Variants in PPHLN1 observed in about 807,000 individuals in gnomAD.
PPHLN1 encodes periphilin-1.
A neutral mutation model predicts 51.3 loss-of-function variants in PPHLN1; 29 were observed. That is an observed-to-expected ratio of 0.57 (90% CI 0.42 to 0.77). PPHLN1 has a LOEUF of 0.77. Ranked by LOEUF, PPHLN1 falls within the 30% of genes least tolerant of loss-of-function variation. The probability of loss-of-function intolerance (pLI) is 0.00; values close to 1 mark genes in which losing one functional copy is unlikely to be tolerated. For synonymous variants in PPHLN1, 147 were observed against 147.8 expected, an observed-to-expected ratio of 0.99 and a Z score of 0.04; for missense variants, 436 against 438.4, an observed-to-expected ratio of 0.99 and a Z score of 0.05.
At position 42,399,002 on chromosome 12, in the gene PPHLN1, T is replaced by A. The variant is rs762509322; in HGVS notation, c.909+8T>A. 2 of 1,611,550 alleles carry A rather than the reference T, an allele frequency of 1.2e-6. No homozygotes were observed. Among genetic ancestry groups the A allele is most frequent in the African/African-American group, 1.3e-5 (1 of 74,828 alleles). ...ACCAAAGAGATTGAACAGGTGAGAG[T>A]CTAGTTGTCTTCATGTACATAATTT... is the stretch of plus-strand genomic sequence containing the variant. On this transcript the variant is annotated splice_region_variant and intron_variant, in intron 9 of 9. Coordinates refer to ENST00000358314, the MANE Select transcript of PPHLN1 (RefSeq NM_201439.2).
At chr12:42,352,777 G>A (rs17121217) in intron 3 of PPHLN1, among the ~76,000 whole-genome samples, 10,552 of 152,054 alleles carry the variant, frequency 0.069, 400 homozygotes, top group Admixed American at 0.093. Context: ...TCAAAACATC[G>A]TCATAGGAAG....
At chr12:42,343,976 A>G in intron 2 of PPHLN1, 1 of 365,698 alleles carries the variant, frequency 2.7e-6, no homozygotes, top group Non-Finnish European at 5.2e-6. Context: ...GAGTTAGGAA[A>G]TTACAAGCTT....
chr12:42,415,680 G>T (rs2080314474), intron 9 of PPHLN1, among the ~76,000 whole-genome samples: 1 of 152,120 alleles, frequency 6.6e-6, no homozygotes, highest in Admixed American at 6.5e-5. Context: ...CTGATTTTTT[G>T]CTTTCTCTTC....
At chr12:42,330,730 GATGGAGT>G (rs2069589011) in intron 1 of PPHLN1, among the ~76,000 whole-genome samples, 1 of 152,158 alleles carries the variant, frequency 6.6e-6, no homozygotes, top group African/African-American at 2.4e-5. Context: ...TTGTTTTTGA[GATGGAGT>G]CTCGCTCTGT....
At chr12:42,364,552 AGG>A (rs1337106703) in intron 4 of PPHLN1, among the ~76,000 whole-genome samples, 1 of 151,994 alleles carries the variant, frequency 6.6e-6, no homozygotes, top group Non-Finnish European at 1.5e-5. Flanking sequence ...TGAGCCTGGG[AGG>A]TTGAGGCTGC....
At chr12:42,426,990 T>C (rs2081557950) in intron 9 of PPHLN1, among the ~76,000 whole-genome samples, 1 of 152,070 alleles carries the variant, frequency 6.6e-6, no homozygotes, top group Admixed American at 6.6e-5. Context: ...TGTTGGAGAG[T>C]AACTGGGTGG....
intron 4 of PPHLN1, among the ~76,000 whole-genome samples, chr12:42,370,216 T>C (rs1189935956): frequency 6.6e-6 from 1 of 152,212 alleles, no homozygotes; most frequent in Non-Finnish European, 1.5e-5. Context: ...CCCTTAGAGA[T>C]TCTGATTCAG....
rs149458775 is a variant in PPHLN1 at position 42,353,121 on chromosome 12, A to G, written c.237+1072A>G. On this transcript the variant is annotated intron_variant, in intron 3 of 9. Coordinates refer to ENST00000358314, the MANE Select transcript of PPHLN1 (RefSeq NM_201439.2). ...AAAAAAGTTAGCTGCTATTATTACTATTACAACTCGCTTCTCTTGAGCATT... is the reference window on the plus strand; with the variant it reads ...AAAAAAGTTAGCTGCTATTATTACTGTTACAACTCGCTTCTCTTGAGCATT... Among the ~76,000 whole-genome samples the G allele has an allele frequency of 9.2e-3, 1,404 of 152,148 alleles. 14 individuals carry two copies. Among genetic ancestry groups the G allele is most frequent in the Non-Finnish European group, 0.012 (799 of 68,010 alleles).
At chr12:42,342,406 C>A (rs1288474520) in intron 2 of PPHLN1, among the ~76,000 whole-genome samples, 1 of 152,214 alleles carries the variant, frequency 6.6e-6, no homozygotes, top group African/African-American at 2.4e-5. Flanking sequence ...AGGCATGAGG[C>A]ACCATGCCCA....
At chr12:42,377,930 T>G (rs1005974984) in intron 5 of PPHLN1, among the ~76,000 whole-genome samples, 8 of 152,172 alleles carry the variant, frequency 5.3e-5, no homozygotes, top group African/African-American at 1.9e-4. Flanking sequence ...TGCTCCTGTC[T>G]TAGGATCTCC....
intron 2 of PPHLN1, among the ~76,000 whole-genome samples, chr12:42,342,860 G>T (rs2071699918): frequency 6.6e-6 from 1 of 152,164 alleles, no homozygotes; most frequent in Non-Finnish European, 1.5e-5. Context: ...ATTAGTTTTT[G>T]TAATTAAGTA....
Position 42,393,575 on chromosome 12 carries a change from A to G in PPHLN1, c.654A>G (p.Leu218=). The G allele has an allele frequency of 6.2e-7, 1 of 1,604,254 alleles. No homozygotes were observed. The highest frequency in any genetic ancestry group is 8.5e-7 in the Non-Finnish European group (1 of 1,177,160). ...AAATGTTCTATTTTTATTAGGTGTT[A>G]GACAAACCCAGTAGGCTAACTGAAA... ...SGSAVSSSKV[L]DKPSRLTEKE... Residue 218 remains leucine (L), a synonymous_variant, in exon 8 of 10, where the codon TTA becomes TTG. Transcript: ENST00000358314.
intron 6 of PPHLN1, among the ~76,000 whole-genome samples, chr12:42,386,495 G>A (rs1257478966): frequency 1.3e-5 from 2 of 152,172 alleles, no homozygotes; most frequent in African/African-American, 4.8e-5. Flanking sequence ...AGCTGGCTTT[G>A]CCTCAGTTTC....
intron 8 of PPHLN1, among the ~76,000 whole-genome samples, chr12:42,394,224 A>G (rs71453354): frequency 6.6e-6 from 1 of 152,146 alleles, no homozygotes; most frequent in African/African-American, 2.4e-5. Flanking sequence ...ACACGTTTGT[A>G]TTAACATATT....
intron 9 of PPHLN1, among the ~76,000 whole-genome samples, chr12:42,433,599 G>A (rs1417899387): frequency 6.6e-6 from 1 of 152,198 alleles, no homozygotes; most frequent in Non-Finnish European, 1.5e-5. Context: ...TGGGATTACA[G>A]GCGTGAGCCA....
downstream of PPHLN1, chr12:42,445,007 T>C (rs112447075): frequency 1.4e-3 from 1,005 of 700,712 alleles, 4 homozygotes; most frequent in African/African-American, 0.016. Flanking sequence ...AGCCCATCAA[T>C]ATTGTTAGTG....
chr12:42,388,917 G>A (rs1295639779), intron 7 of PPHLN1, among the ~76,000 whole-genome samples: 1 of 152,210 alleles, frequency 6.6e-6, no homozygotes, highest in Non-Finnish European at 1.5e-5. Flanking sequence ...ACTCTAGCCT[G>A]GGTGACAGAG....
chr12:42,431,574 G>T (rs2082039067), intron 9 of PPHLN1: 1 of 626,520 alleles, frequency 1.6e-6, no homozygotes, highest in East Asian at 2.6e-5. Flanking sequence ...GCGATGCAAA[G>T]ACTGGCGATC....
intron 4 of PPHLN1, chr12:42,361,274 C>T (rs2074648554): frequency 6.6e-6 from 1 of 152,254 alleles, no homozygotes; most frequent in Admixed American, 6.5e-5. Flanking sequence ...GACACCAGAT[C>T]TGCTGGTACC....
Sources: gnomAD v4.1 joint callset for allele counts (sites outside exome capture counted in the v4.1 genomes callset) on GRCh38, gnomAD v4.1.1 for gene constraint, MANE v1.5 for transcripts, NCBI Gene and HGNC (gene_info 2026-07-23, HGNC 2026-07-21) for gene names.